Variants in VSTM1 observed in about 807,000 individuals in gnomAD.
VSTM1 encodes the protein V-set and transmembrane domain-containing protein 1.
VSTM1 carries 27 observed loss-of-function variants against 33.1 expected under a neutral mutation model. The ratio of observed to expected loss-of-function variants is 0.82; its 90% CI spans 0.60 to 1.12. VSTM1 has a LOEUF of 1.12. Among genes scored for constraint, VSTM1 ranks in the 50% most tolerant of loss-of-function variants. The pLI, the probability that VSTM1 is intolerant of heterozygous loss-of-function variation, is 0.00. For synonymous variants in VSTM1, 115 were observed against 110.3 expected, an observed-to-expected ratio of 1.04 and a Z score of -0.27; for missense variants, 304 against 288.9, an observed-to-expected ratio of 1.05 and a Z score of -0.38.
intron 1 of VSTM1, among the ~76,000 whole-genome samples, chr19:54,062,167 A>T (rs1454277186): frequency 6.6e-6 from 1 of 152,032 alleles, no homozygotes; most frequent in Non-Finnish European, 1.5e-5. Flanking sequence ...GAAAAAAAAA[A>T]AATGCCAAGA....
At chr19:54,042,746 G>A (rs1600105661) in intron 4 of VSTM1, among the ~76,000 whole-genome samples, 1 of 82,282 alleles carries the variant, frequency 1.2e-5, no homozygotes, top group South Asian at 4.5e-4. Context: ...ATATATATAC[G>A]TGTGTGTGTG....
At chr19:54,051,854 G>A (rs62147261) in intron 3 of VSTM1, among the ~76,000 whole-genome samples, 28,611 of 151,816 alleles carry the variant, frequency 0.19, 3,353 homozygotes, top group East Asian at 0.46. Flanking sequence ...TCCGCCTCCC[G>A]GGTTCAAGAG....
chr19:54,044,318 G>A (rs2070464394), intron 4 of VSTM1, among the ~76,000 whole-genome samples: 3 of 152,134 alleles, frequency 2.0e-5, no homozygotes, highest in Admixed American at 6.6e-5. Context: ...TGGCACTTTG[G>A]GAGAGTGAAG....
chr19:54,042,234 A>C, intron 5 of VSTM1, 38 bp from the exon 6 acceptor site: 2 of 1,613,946 alleles, frequency 1.2e-6, no homozygotes, highest in Non-Finnish European at 1.7e-6. Flanking sequence ...TACCGAGAAA[A>C]TCCTTCACTC....
Position 54,063,850 on chromosome 19 carries a change from C to T in VSTM1, c.-73G>A. Reference sequence around the variant, plus strand: ...CAAAGGCGGAGCGGGACTGGGCCGGCCGCAGCTCTCCGGCTGCCCGGTTCG... The same window carrying T: ...CAAAGGCGGAGCGGGACTGGGCCGGTCGCAGCTCTCCGGCTGCCCGGTTCG... On this transcript the variant is annotated 5_prime_UTR_variant, in exon 1 of 9. Transcript: ENST00000338372. 6.5e-7 allele frequency: 1 copy of T among 1,546,190 alleles called. No individual in the cohort carries two copies. The highest frequency in any genetic ancestry group is 8.8e-7 in the Non-Finnish European group (1 of 1,135,780).
intron 4 of VSTM1, among the ~76,000 whole-genome samples, chr19:54,049,879 G>A (rs1238207267): frequency 2.0e-5 from 3 of 151,944 alleles, no homozygotes; most frequent in Non-Finnish European, 2.9e-5. Context: ...ATGACTTGCT[G>A]AAAGGAAGGA....
At chr19:54,042,248 C>A (rs750561035) in intron 5 of VSTM1, 29 bp downstream of exon 5, 2 of 1,613,966 alleles carry the variant, frequency 1.2e-6, no homozygotes, top group Middle Eastern at 1.6e-4. Context: ...TTCACTCCCC[C>A]TCTCTCCCTT....
chr19:54,058,245 A>G (rs1379634736), intron 3 of VSTM1, 61 bp downstream of exon 3: 7 of 1,547,912 alleles, frequency 4.5e-6, no homozygotes, highest in Non-Finnish European at 5.2e-6. Context: ...GTCTTAAAAA[A>G]AAAAAAGCAA....
At chr19:54,059,856 T>TA (rs1440279103) in intron 1 of VSTM1, among the ~76,000 whole-genome samples, 50 of 146,632 alleles carry the variant, frequency 3.4e-4, no homozygotes, top group Middle Eastern at 3.6e-3. Flanking sequence ...TTTTTTTTTT[T>TA]TTATTTTTCG....
chr19:54,046,513 A>G (rs1265731091), intron 4 of VSTM1, among the ~76,000 whole-genome samples: 2 of 152,036 alleles, frequency 1.3e-5, no homozygotes, highest in Admixed American at 1.3e-4. Context: ...TTGTAGGTAT[A>G]ATGATGATTT....
intron 4 of VSTM1, among the ~76,000 whole-genome samples, chr19:54,047,093 G>A (rs775363334): frequency 6.6e-6 from 1 of 152,080 alleles, no homozygotes; most frequent in Non-Finnish European, 1.5e-5. Flanking sequence ...TATTTGGGAG[G>A]CTGAGGCAGG....
intron 4 of VSTM1, among the ~76,000 whole-genome samples, chr19:54,045,646 C>G (rs2070541642): frequency 6.6e-6 from 1 of 152,026 alleles, no homozygotes; most frequent in African/African-American, 2.4e-5. Flanking sequence ...CTGTATGTAT[C>G]TGTCTATTCA....
At chr19:54,041,999 G>T (rs1269111002) in intron 6 of VSTM1, 46 bp from the exon 7 acceptor site, 1 of 1,613,238 alleles carries the variant, frequency 6.2e-7, no homozygotes, top group African/African-American at 1.3e-5. Context: ...TGAAGATTTC[G>T]GGGAGAGGGT....
At chr19:54,042,820 A>ATGTG (rs762634246) in intron 4 of VSTM1, among the ~76,000 whole-genome samples, 18 of 79,932 alleles carry the variant, frequency 2.3e-4, no homozygotes, top group Admixed American at 6.1e-4. Context: ...ATATATATAT[A>ATGTG]TATATATATA....
intron 1 of VSTM1, 25 bp downstream of exon 1, chr19:54,063,719 A>T: frequency 1.2e-6 from 2 of 1,613,366 alleles, no homozygotes; most frequent in Non-Finnish European, 1.7e-6. Context: ...GCCCAAGCCC[A>T]TTCGTCCCAG....
intron 4 of VSTM1, 149 bp from the exon 5 acceptor site, chr19:54,042,518 G>C: frequency 8.1e-7 from 1 of 1,230,716 alleles, no homozygotes; most frequent in Non-Finnish European, 1.1e-6. Flanking sequence ...TATTGCTTTG[G>C]GGAATTTCCT....
intron 4 of VSTM1, among the ~76,000 whole-genome samples, chr19:54,045,858 A>G (rs2070557581): frequency 6.6e-6 from 1 of 152,004 alleles, no homozygotes; most frequent in Admixed American, 6.6e-5. Flanking sequence ...TCTATCATCT[A>G]TCTAATGTAT....
chr19:54,056,705 C>T (rs1202833343), intron 3 of VSTM1, among the ~76,000 whole-genome samples: 1 of 140,412 alleles, frequency 7.1e-6, no homozygotes, highest in African/African-American at 2.6e-5. Context: ...GTCTGTCAGT[C>T]TTACCATACC....
At chr19:54,047,656 G>T (rs531577960) in intron 4 of VSTM1, among the ~76,000 whole-genome samples, 3 of 152,194 alleles carry the variant, frequency 2.0e-5, no homozygotes, top group African/African-American at 7.2e-5. Flanking sequence ...AGCTGCTCCT[G>T]GACTCTCAGT....
Sources: allele counts gnomAD v4.1 joint callset (sites outside exome capture counted in the v4.1 genomes callset), GRCh38; gene constraint gnomAD v4.1.1; transcripts MANE v1.5; gene names NCBI Gene and HGNC (gene_info 2026-07-23, HGNC 2026-07-21).